Variants in PRDM12 observed in about 807,000 individuals in gnomAD.
The protein encoded by PRDM12 is PR/SET domain 12.
PRDM12 carries 17 observed loss-of-function variants against 29.6 expected under a neutral mutation model. The observed-to-expected ratio is 0.57, with a 90% CI of 0.39 to 0.86. The LOEUF (loss-of-function observed/expected upper bound fraction) is 0.86. Ranked by LOEUF, PRDM12 falls within the 40% of genes least tolerant of loss-of-function variation. PRDM12 has a pLI of 0.00. For synonymous variants in PRDM12, 231 were observed against 225.8 expected, an observed-to-expected ratio of 1.02 and a Z score of -0.21; for missense variants, 422 against 510.8, an observed-to-expected ratio of 0.83 and a Z score of 1.68.
intron 3 of PRDM12, among the ~76,000 whole-genome samples, chr9:130,672,947 G>A (rs1401307823): frequency 6.6e-6 from 1 of 152,238 alleles, no homozygotes; most frequent in Non-Finnish European, 1.5e-5. Flanking sequence ...GGCTGATAGG[G>A]CCCAGAGAAG....
At chr9:130,666,918 C>A in intron 2 of PRDM12, 120 bp downstream of exon 2, 1 of 1,315,930 alleles carries the variant, frequency 7.6e-7, no homozygotes, top group Non-Finnish European at 1.0e-6. Context: ...ACACTCCTGG[C>A]CTGGACGCCC....
intron 3 of PRDM12, among the ~76,000 whole-genome samples, chr9:130,675,277 G>A (rs1830831708): frequency 6.6e-6 from 1 of 152,270 alleles, no homozygotes; most frequent in African/African-American, 2.4e-5. Context: ...CCTGGAGCCT[G>A]GAGGTGGAGT....
Position 130,668,950 on chromosome 9 carries a change from G to A in PRDM12, c.570+637G>A, listed in dbSNP as rs918717855. On this transcript the variant is annotated intron_variant, in intron 3 of 4. Coordinates refer to ENST00000253008, the MANE Select transcript of PRDM12 (RefSeq NM_021619.3). This position sits in a 1 kb window ranked among gnomAD's most constrained non-coding sequence, Gnocchi z 4.0. ...TGGCAGCAGACTTGGGGGTTTTGCCGGCCATCTGGGGGGAGTGTTAGCACT... is the reference window on the plus strand; with the variant it reads ...TGGCAGCAGACTTGGGGGTTTTGCCAGCCATCTGGGGGGAGTGTTAGCACT... 1.3e-5 allele frequency among the ~76,000 whole-genome samples: 2 copies of A among 152,138 alleles called. No individual in the cohort carries two copies. Among genetic ancestry groups the A allele is most frequent in the Admixed American group, 6.5e-5 (1 of 15,274 alleles).
At position 130,664,911 on chromosome 9, in the gene PRDM12, C is replaced by T. The variant is rs1169323648; in HGVS notation, c.223+35C>T. ...GCCGTCGGAGCCCGGCGCAATCCCTCCTCCCGGCGACCCCCATTCCCGTCC... is the reference window on the plus strand; with the variant it reads ...GCCGTCGGAGCCCGGCGCAATCCCTTCTCCCGGCGACCCCCATTCCCGTCC... On this transcript the variant is annotated intron_variant, in intron 1 of 4. Transcript: ENST00000253008. The surrounding 1 kb of genome is among the most constrained non-coding windows in gnomAD (Gnocchi z 6.4). 2 of 1,490,154 alleles carry T rather than the reference C, an allele frequency of 1.3e-6. No individual in the cohort carries two copies. The highest frequency in any genetic ancestry group is 1.8e-6 in the Non-Finnish European group (2 of 1,113,512). 92.3% of individuals were successfully genotyped at this position (1,490,154 alleles called of 1,614,324 possible). A position where few individuals can be genotyped will look rare whatever the true frequency, so the allele number is the denominator to read the frequency against.
intron 3 of PRDM12, among the ~76,000 whole-genome samples, chr9:130,671,374 G>GACACACACACAC (rs56920587): frequency 5.9e-5 from 8 of 135,644 alleles, no homozygotes; most frequent in Non-Finnish European, 3.2e-5. Flanking sequence ...AGAGGATCAG[G>GACACACACACAC]ACACACACAC....
chr9:130,680,644 T>C (rs1455864677), intron 4 of PRDM12, among the ~76,000 whole-genome samples: 4 of 79,568 alleles, frequency 5.0e-5, no homozygotes, highest in Non-Finnish European at 9.3e-5. Flanking sequence ...AATATATATA[T>C]ATATATATAT....
chr9:130,677,532 C>G (rs761158159), intron 3 of PRDM12, among the ~76,000 whole-genome samples: 9 of 152,230 alleles, frequency 5.9e-5, no homozygotes, highest in Non-Finnish European at 4.4e-5. Context: ...CTGGGCACAT[C>G]GGATAGTGGC....
At chr9:130,674,010 C>CTTTTTTTTTTTTTTTTTT (rs35863613) in intron 3 of PRDM12, among the ~76,000 whole-genome samples, 3 of 71,850 alleles carry the variant, frequency 4.2e-5, no homozygotes, top group Non-Finnish European at 7.1e-5. Flanking sequence ...TTCTTTCTTT[C>CTTTTTTTTTTTTTTTTTT]TTTTTTTTTT....
Position 130,681,524 on chromosome 9 carries a change from G to A in PRDM12, c.959G>A (p.Ser320Asn). The A allele has an allele frequency of 2.2e-6, 3 of 1,386,670 alleles. No individual in the cohort carries two copies. Among genetic ancestry groups the A allele is most frequent in the Non-Finnish European group, 2.8e-6 (3 of 1,063,398 alleles). The allele number at this position is 1,386,670 out of a possible 1,614,324, so 85.9% of individuals were successfully genotyped here. ...QLAGLRAHQKSARHRPPSTAL... is the reference protein window; with the variant it reads ...QLAGLRAHQKNARHRPPSTAL... ...GCCGGCCTGCGCGCCCACCAGAAGA[G>A]CGCGCGGCACCGGCCGCCCAGCACC... Residue 320 changes from serine to asparagine, a missense_variant, in exon 5 of 5, where the codon AGC becomes AAC. Coordinates refer to ENST00000253008, the MANE Select transcript of PRDM12 (RefSeq NM_021619.3). This position sits in a 1 kb window ranked among gnomAD's most constrained non-coding sequence, Gnocchi z 8.1.
chr9:130,680,655 A>T (rs1308559350), intron 4 of PRDM12, among the ~76,000 whole-genome samples: 2,017 of 85,348 alleles, frequency 0.024, 34 homozygotes, highest in Non-Finnish European at 0.03. Context: ...ATATATATAT[A>T]TATATTTTTT....
Position 130,678,625 on chromosome 9 carries a change from A to C in PRDM12, c.667A>C (p.Lys223Gln), listed in dbSNP as rs764418424. ...PGVPGLEEDQ[K>Q]KNKHEDFHPA... ...TGTGCCCGGGCTAGAGGAGGACCAG[A>C]AAAAGAACAAGCATGGTAGGTGTTC... The change falls in exon 4 of 5, where the codon AAA becomes CAA. Residue 223 changes from lysine (K) to glutamine (Q), a missense_variant. This residue lies in a region of PRDM12 where 300 missense variants were observed against 350.0 expected (regional missense o/e 0.86). Coordinates refer to ENST00000253008, the MANE Select transcript of PRDM12 (RefSeq NM_021619.3). The C allele has an allele frequency of 6.2e-7, 1 of 1,610,128 alleles. No individual in the cohort carries two copies. Among genetic ancestry groups the C allele is most frequent in the South Asian group, 1.1e-5 (1 of 90,946 alleles).
Position 130,681,241 on chromosome 9 carries a change from C to T in PRDM12, c.683-7C>T. ...CCTTCCCCCGCCCCGCCCCGCCCCG[C>T]GGCCAGAGGACTTCCACCCGGCGGA... On this transcript the variant is annotated splice_region_variant and splice_polypyrimidine_tract_variant and intron_variant, in intron 4 of 4. Transcript: ENST00000253008. This position sits in a 1 kb window ranked among gnomAD's most constrained non-coding sequence, Gnocchi z 8.1. The T allele has an allele frequency of 6.9e-7, 1 of 1,455,584 alleles. No individual in the cohort carries two copies. The highest frequency in any genetic ancestry group is 2.6e-5 in the East Asian group (1 of 39,106). The allele number at this position is 1,455,584 out of a possible 1,614,324, so 90.2% of individuals were successfully genotyped here. A position where few individuals can be genotyped will look rare whatever the true frequency, so the allele number is the denominator to read the frequency against.
At chr9:130,680,661 T>TATATATATATA (rs1564249414) in intron 4 of PRDM12, among the ~76,000 whole-genome samples, 5 of 77,220 alleles carry the variant, frequency 6.5e-5, no homozygotes, top group Non-Finnish European at 1.2e-4. Context: ...ATATATATAT[T>TATATATATATA]TTTTTTTTTT....
chr9:130,679,722 A>G (rs538915525), intron 4 of PRDM12, among the ~76,000 whole-genome samples: 2 of 152,184 alleles, frequency 1.3e-5, no homozygotes, highest in Non-Finnish European at 1.5e-5. Flanking sequence ...GTGCAGTGGC[A>G]CTATCTTGGT....
chr9:130,667,221 G>C (rs1319302087), intron 2 of PRDM12, among the ~76,000 whole-genome samples: 2 of 152,328 alleles, frequency 1.3e-5, no homozygotes, highest in African/African-American at 4.8e-5. Context: ...GGGTGAGGTG[G>C]GGCTGGAAAG....
intron 3 of PRDM12, among the ~76,000 whole-genome samples, chr9:130,671,276 C>T (rs1353574951): frequency 1.3e-5 from 2 of 151,770 alleles, no homozygotes; most frequent in Non-Finnish European, 1.5e-5. Context: ...ACCCAGGAGG[C>T]GGAGGTTGTA....
At position 130,681,510 on chromosome 9, in the gene PRDM12, C is replaced by T; in HGVS notation, c.945C>T (p.Arg315=). The change falls in exon 5 of 5, where the codon CGC becomes CGT. Residue 315 remains arginine, a synonymous_variant. Transcript: ENST00000253008. This position sits in a 1 kb window ranked among gnomAD's most constrained non-coding sequence, Gnocchi z 8.1. ...CCTACTCGCAGCTGGCCGGCCTGCG[C>T]GCCCACCAGAAGAGCGCGCGGCACC... ...QSAYSQLAGL[R]AHQKSARHRP... The T allele has an allele frequency of 3.4e-6, 5 of 1,458,026 alleles. No homozygotes were observed. Among genetic ancestry groups the T allele is most frequent in the Non-Finnish European group, 3.6e-6 (4 of 1,100,730 alleles). The allele number at this position is 1,458,026 out of a possible 1,614,324, so 90.3% of individuals were successfully genotyped here. A position where few individuals can be genotyped will look rare whatever the true frequency, so the allele number is the denominator to read the frequency against.
chr9:130,678,415 CT>C, intron 3 of PRDM12, 113 bp from the exon 4 acceptor site: 1 of 736,048 alleles, frequency 1.4e-6, no homozygotes, highest in Non-Finnish European at 2.3e-6. Flanking sequence ...GTGTGGCTTT[CT>C]CAGGGCTGAG....
At chr9:130,667,012 T>G (rs969522763) in intron 2 of PRDM12, among the ~76,000 whole-genome samples, 4 of 152,124 alleles carry the variant, frequency 2.6e-5, no homozygotes, top group Non-Finnish European at 5.9e-5. Context: ...AATCCGACCC[T>G]CCTTCCCCCG....
Sources: gnomAD v4.1 joint callset for allele counts (sites outside exome capture counted in the v4.1 genomes callset) on GRCh38, gnomAD v4.1.1 for gene constraint, gnomAD v4.1.1 regional missense constraint, Gnocchi (gnomAD v3.1) non-coding constraint, MANE v1.5 for transcripts, NCBI Gene and HGNC (gene_info 2026-07-23, HGNC 2026-07-21) for gene names.